Variants in ASB3 observed in about 807,000 individuals in gnomAD.
ASB3 encodes the protein ankyrin repeat and SOCS box protein 3.
Under a neutral mutation model 54.5 loss-of-function variants are expected in ASB3, and 41 were observed. The ratio of observed to expected loss-of-function variants is 0.75; its 90% confidence interval spans 0.59 to 0.98. The LOEUF is 0.98. Ranked by LOEUF, ASB3 falls within the 50% of genes least tolerant of loss-of-function variation. The pLI is 0.00. For synonymous variants in ASB3, 266 were observed against 221.2 expected (o/e 1.20, Z -1.80); for missense variants, 733 against 620.0 (o/e 1.18, Z -1.94).
chr2:53,743,756 T>C (rs1263515601), intron 3 of ASB3, among the ~76,000 whole-genome samples: 2 of 152,138 alleles, frequency 1.3e-5, no homozygotes, highest in Non-Finnish European at 2.9e-5. Context: ...CATTAAAGAA[T>C]TAAAAGCCAG....
intron 1 of ASB3, among the ~76,000 whole-genome samples, chr2:53,766,225 C>T (rs1673443509): frequency 6.6e-6 from 1 of 152,090 alleles, no homozygotes; most frequent in South Asian, 2.1e-4. Context: ...AGAGATGAGC[C>T]CGGTTTTCCT....
At chr2:53,745,657 G>C (rs1260463562) in intron 3 of ASB3, among the ~76,000 whole-genome samples, 1 of 152,156 alleles carries the variant, frequency 6.6e-6, no homozygotes, top group Admixed American at 6.5e-5. Context: ...GATCCTCTGG[G>C]TTTATATTCT....
At chr2:53,743,951 A>G (rs1672078132) in intron 3 of ASB3, among the ~76,000 whole-genome samples, 1 of 151,986 alleles carries the variant, frequency 6.6e-6, no homozygotes, top group African/African-American at 2.4e-5. Context: ...GCTAAGGCAC[A>G]AGAATCCCTT....
chr2:53,742,351 T>C (rs144937103), intron 3 of ASB3, among the ~76,000 whole-genome samples: 1 of 152,220 alleles, frequency 6.6e-6, no homozygotes, highest in African/African-American at 2.4e-5. Flanking sequence ...ATTCCCAAGA[T>C]GAATTATCAC....
chr2:53,746,205 G>A (rs1236682323), intron 3 of ASB3, among the ~76,000 whole-genome samples: 6 of 152,204 alleles, frequency 3.9e-5, no homozygotes, highest in Admixed American at 2.0e-4. Context: ...TGAGGCAGGA[G>A]GATAACTTGA....
At chr2:53,697,552 G>A (rs1468735657) in intron 8 of ASB3, among the ~76,000 whole-genome samples, 1 of 152,098 alleles carries the variant, frequency 6.6e-6, no homozygotes, top group African/African-American at 2.4e-5. Context: ...GTATCTGAGG[G>A]GGATGAGACT....
chr2:53,757,428 G>A (rs984644102), intron 2 of ASB3, among the ~76,000 whole-genome samples: 14 of 152,332 alleles, frequency 9.2e-5, no homozygotes, highest in African/African-American at 2.6e-4. Context: ...AGATCATGGC[G>A]CAGCCGAAGT....
chr2:53,698,177 T>C (rs901490783), intron 8 of ASB3, among the ~76,000 whole-genome samples: 8 of 152,158 alleles, frequency 5.3e-5, no homozygotes. Context: ...TCTACATGCC[T>C]ACAGAATTAG....
At chr2:53,694,217 C>CT in intron 8 of ASB3, 1 of 508,496 alleles carries the variant, frequency 2.0e-6, no homozygotes, top group East Asian at 3.4e-5. Context: ...ACTGAATTGA[C>CT]TTTCTATGTA....
intron 9 of ASB3, among the ~76,000 whole-genome samples, chr2:53,689,854 A>C (rs961685022): frequency 1.3e-5 from 2 of 152,164 alleles, no homozygotes; most frequent in Non-Finnish European, 2.9e-5. Context: ...ATATGTTCTC[A>C]ATCCAATTTG....
At chr2:53,771,971 AT>A in intron 1 of ASB3, 1 of 1,241,944 alleles carries the variant, frequency 8.1e-7, no homozygotes, top group Middle Eastern at 2.4e-4. Flanking sequence ...TTTTTGTATA[AT>A]TTTAATTTTA....
At chr2:53,720,572 A>G (rs1445583584) in intron 5 of ASB3, among the ~76,000 whole-genome samples, 1 of 152,212 alleles carries the variant, frequency 6.6e-6, no homozygotes, top group African/African-American at 2.4e-5. Flanking sequence ...CACACACCCA[A>G]CATTGAAGCA....
At chr2:53,721,398 C>CAAAAAAA (rs1195017138) in intron 5 of ASB3, among the ~76,000 whole-genome samples, 4 of 87,376 alleles carry the variant, frequency 4.6e-5, no homozygotes, top group East Asian at 3.1e-4. Flanking sequence ...TACTAAACTA[C>CAAAAAAA]AAAAAAAAAA....
rs953541061 is a variant in ASB3, at chr2:53,757,079, C to T, written c.197-6138G>A. ...ACCACCATCTTAGGAGCTCTAAGAA[C>T]AAGGACCCCCCAGTAACATTTTGGT... On this transcript the variant is annotated intron_variant, in intron 2 of 9. Transcript: ENST00000263634. 8 of 157,532 alleles carry T rather than the reference C, an allele frequency of 5.1e-5. No individual in the cohort carries two copies. The South Asian group carries it at 7.3e-4, about 14-fold the overall frequency. 9.8% of individuals were successfully genotyped at this position (157,532 alleles called of 1,614,324 possible).
At chr2:53,726,560 CTATTTAATCTAAATATTAA>C (rs1370716403) in intron 5 of ASB3, among the ~76,000 whole-genome samples, 3 of 150,676 alleles carry the variant, frequency 2.0e-5, no homozygotes, top group Admixed American at 6.6e-5. Flanking sequence ...TGCACCTGGC[CTATTTAATCTAAATATTAA>C]TTAAACATAT....
chr2:53,695,715 T>C (rs1669147592), intron 8 of ASB3, among the ~76,000 whole-genome samples: 1 of 152,152 alleles, frequency 6.6e-6, no homozygotes, highest in South Asian at 2.1e-4. Context: ...AGACCAGTTG[T>C]ACAATCATAA....
At chr2:53,710,292 G>C (rs2103814342) in intron 7 of ASB3, among the ~76,000 whole-genome samples, 1 of 152,236 alleles carries the variant, frequency 6.6e-6, no homozygotes, top group East Asian at 1.9e-4. Context: ...TCTTTCATTT[G>C]GCTATGGAGT....
Position 53,786,849 on chromosome 2 carries a change from T to C in ASB3, c.-42A>G, listed in dbSNP as rs560026269. On this transcript the variant is annotated 5_prime_UTR_variant, in exon 1 of 10. Transcript: ENST00000263634. The stretch of plus-strand genomic sequence containing the variant: ...CCGTGCTGCCACTTCTACACCGAAA[T>C]GGCTGGTCCGAGGCCGCGTCTCCAG... The C allele has an allele frequency of 4.4e-6, 1 of 228,320 alleles. No individual in the cohort carries two copies. Among genetic ancestry groups the C allele is most frequent in the African/African-American group, 2.3e-5 (1 of 44,150 alleles). 14.1% of individuals were successfully genotyped at this position (228,320 alleles called of 1,614,324 possible). A position where few individuals can be genotyped will look rare whatever the true frequency, so the allele number is the denominator to read the frequency against.
chr2:53,695,980 C>T (rs998166237), intron 8 of ASB3, among the ~76,000 whole-genome samples: 3 of 152,048 alleles, frequency 2.0e-5, no homozygotes, highest in Non-Finnish European at 4.4e-5. Flanking sequence ...TCTACTTTAA[C>T]AACATATTGG....
Sources: allele counts gnomAD v4.1 joint callset (sites outside exome capture counted in the v4.1 genomes callset), GRCh38; gene constraint gnomAD v4.1.1; transcripts MANE v1.5; gene names NCBI Gene and HGNC (gene_info 2026-07-23, HGNC 2026-07-21).